The following BORCS5 variants were observed in gnomAD, a reference collection of about 807,000 sequenced individuals.
The protein encoded by BORCS5 is BLOC-1 related complex subunit 5.
In BORCS5, 17 loss-of-function variants were observed where a neutral mutation model predicts 22.1. The ratio of observed to expected loss-of-function variants is 0.77; its 90% CI spans 0.53 to 1.15. BORCS5 has a LOEUF of 1.15. Ranked by LOEUF, BORCS5 falls within the 50% of genes most tolerant of loss-of-function variation. The pLI is 0.00. For missense variants in BORCS5, 247 were observed against 253.2 expected, an observed-to-expected ratio of 0.98 and a Z score of 0.17; for synonymous variants, 117 against 99.8, an observed-to-expected ratio of 1.17 and a Z score of -1.03.
At position 12,384,600 on chromosome 12, in the gene BORCS5, T is replaced by C. The variant is rs1863842437; in HGVS notation, c.202+23251T>C. On this transcript the variant is annotated intron_variant, in intron 2 of 3. Coordinates refer to ENST00000314565, the MANE Select transcript of BORCS5 (RefSeq NM_058169.6). ...CCAAATTGCTGTTGTTACTTTTTTGTCTGTTCATTGCTCTTTGTTTAGTAA... is the reference window on the plus strand; with the variant it reads ...CCAAATTGCTGTTGTTACTTTTTTGCCTGTTCATTGCTCTTTGTTTAGTAA... Among the ~76,000 whole-genome samples the C allele has an allele frequency of 3.3e-5, 5 of 151,300 alleles. No homozygotes were observed. The South Asian group carries it at 1.0e-3, about 32-fold the overall frequency.
At chr12:12,412,742 GTTTGCTTGCA>G (rs1640955626) in intron 2 of BORCS5, among the ~76,000 whole-genome samples, 1 of 152,014 alleles carries the variant, frequency 6.6e-6, no homozygotes. Context: ...TGAATATGAA[GTTTGCTTGCA>G]TTTCTTTTAT....
chr12:12,404,904 T>C (rs780466196), intron 2 of BORCS5, among the ~76,000 whole-genome samples: 2 of 152,168 alleles, frequency 1.3e-5, no homozygotes, highest in African/African-American at 4.8e-5. Flanking sequence ...TTTCACCATG[T>C]TGGCCAGGCT....
intron 2 of BORCS5, among the ~76,000 whole-genome samples, chr12:12,371,832 T>C (rs7979746): frequency 0.21 from 32,140 of 152,110 alleles, 8,189 homozygotes; most frequent in African/African-American, 0.61. Flanking sequence ...CTGTCCTTAC[T>C]TTGGATAATT....
chr12:12,414,187 G>C (rs1941839497), intron 2 of BORCS5, among the ~76,000 whole-genome samples: 1 of 102,722 alleles, frequency 9.7e-6, no homozygotes, highest in Non-Finnish European at 2.1e-5. Flanking sequence ...TCCCGGATGG[G>C]GCGGCTGGCC....
At chr12:12,428,344 G>T (rs891815647) in intron 2 of BORCS5, among the ~76,000 whole-genome samples, 2 of 152,168 alleles carry the variant, frequency 1.3e-5, no homozygotes, top group Admixed American at 1.3e-4. Flanking sequence ...ACACAAAGAG[G>T]TAGGTACAGA....
At chr12:12,415,063 G>A (rs1485422858) in intron 2 of BORCS5, among the ~76,000 whole-genome samples, 5 of 148,552 alleles carry the variant, frequency 3.4e-5, no homozygotes, top group Admixed American at 3.4e-4. Flanking sequence ...TCACTTTCCA[G>A]ACTGGGCAGC....
intron 2 of BORCS5, among the ~76,000 whole-genome samples, chr12:12,384,024 T>C (rs947577925): frequency 6.6e-6 from 1 of 151,398 alleles, no homozygotes; most frequent in African/African-American, 2.4e-5. Flanking sequence ...ACTGATTCTT[T>C]TTCCTGCCAT....
chr12:12,463,217 G>A (rs1420736731), intron 3 of BORCS5, among the ~76,000 whole-genome samples: 2 of 152,178 alleles, frequency 1.3e-5, no homozygotes, highest in African/African-American at 2.4e-5. Flanking sequence ...AGTAAAGGTA[G>A]GGATTATGGA....
At position 12,436,024 on chromosome 12, in the gene BORCS5, T is replaced by C. The variant is rs1442358110; in HGVS notation, c.360+239T>C. The stretch of plus-strand genomic sequence containing the variant: ...TAACTTCTCTGTCTCAGTTTCCTCA[T>C]GTGAAAAATGGGGCTAATAGTAGTA... On this transcript the variant is annotated intron_variant, in intron 3 of 3. Transcript: ENST00000314565. 39 of 428,756 alleles carry C rather than the reference T, an allele frequency of 9.1e-5. No individual in the cohort carries two copies. In the East Asian group the frequency reaches 1.7e-3, roughly 18 times the overall value. The allele number at this position is 428,756 out of a possible 1,614,324, so 26.6% of individuals were successfully genotyped here.
intron 2 of BORCS5, among the ~76,000 whole-genome samples, chr12:12,371,703 A>G (rs377237417): frequency 6.6e-5 from 10 of 151,850 alleles, no homozygotes; most frequent in Admixed American, 4.6e-4. Flanking sequence ...ATGTCTTCCA[A>G]TATTTTTCTG....
At chr12:12,423,070 C>T (rs915122369) in intron 2 of BORCS5, among the ~76,000 whole-genome samples, 5 of 151,598 alleles carry the variant, frequency 3.3e-5, no homozygotes, top group African/African-American at 4.8e-5. Context: ...GGCGTGATCT[C>T]GACTCACTGC....
chr12:12,470,975 C>T lies in BORCS5; in HGVS notation c.*5199C>T, dbSNP rs1209846023. ...GGCATGAGTTATGCGAAAAGCTTTTCTGCACCAAGTACTTTCATTCTGGTC... is the reference window on the plus strand; with the variant it reads ...GGCATGAGTTATGCGAAAAGCTTTTTTGCACCAAGTACTTTCATTCTGGTC... On this transcript the variant is annotated 3_prime_UTR_variant, in exon 4 of 4. Coordinates refer to ENST00000314565, the MANE Select transcript of BORCS5 (RefSeq NM_058169.6). Among the ~76,000 whole-genome samples the T allele has an allele frequency of 6.6e-6, 1 of 152,186 alleles. No individual in the cohort carries two copies.
rs1023783589 is a variant in BORCS5 at position 12,402,815 on chromosome 12, A to G, written c.203-32813A>G. ...ATTAGCTTCTACTGTAATTAACATG[A>G]AAACAAACATGTTTTAAAGTCTTTG... On this transcript the variant is annotated intron_variant, in intron 2 of 3. Transcript: ENST00000314565. Among the ~76,000 whole-genome samples, 124 of 152,380 alleles carry G rather than the reference A, an allele frequency of 8.1e-4. 1 individual carries two copies. Among genetic ancestry groups the G allele is most frequent in the African/African-American group, 3.0e-3 (123 of 41,594 alleles).
intron 3 of BORCS5, among the ~76,000 whole-genome samples, chr12:12,455,077 A>G (rs1220376857): frequency 6.6e-6 from 1 of 152,260 alleles, no homozygotes; most frequent in African/African-American, 2.4e-5. Flanking sequence ...TTATTTGAAT[A>G]GCTGTAAAAC....
intron 3 of BORCS5, 101 bp from the exon 4 acceptor site, chr12:12,465,445 A>G: frequency 9.7e-7 from 1 of 1,025,646 alleles, no homozygotes. Context: ...GTCAGCTTCC[A>G]CTGGATCTGC....
chr12:12,462,603 C>T (rs1277051055), intron 3 of BORCS5, among the ~76,000 whole-genome samples: 1 of 152,094 alleles, frequency 6.6e-6, no homozygotes, highest in African/African-American at 2.4e-5. Context: ...TTCGTGGTTG[C>T]CCTTTAGCTC....
At chr12:12,362,634 A>ATTTTTTT (rs1203934777) in intron 2 of BORCS5, among the ~76,000 whole-genome samples, 1 of 54,180 alleles carries the variant, frequency 1.8e-5, no homozygotes, top group Non-Finnish European at 5.1e-5. Flanking sequence ...CATGTTACTC[A>ATTTTTTT]TCTTTTTTTT....
chr12:12,359,414 T>C (rs1592047142), intron 1 of BORCS5, among the ~76,000 whole-genome samples: 1 of 145,186 alleles, frequency 6.9e-6, no homozygotes, highest in Non-Finnish European at 1.5e-5. Context: ...TAGGCTGGAG[T>C]GCTGTGGCAT....
At chr12:12,455,789 A>AG (rs1592140999) in intron 3 of BORCS5, among the ~76,000 whole-genome samples, 1 of 152,112 alleles carries the variant, frequency 6.6e-6, no homozygotes, top group African/African-American at 2.4e-5. Context: ...AAAAAAAAAA[A>AG]AAAAAGCAGT....
Sources: allele counts gnomAD v4.1 joint callset (sites outside exome capture counted in the v4.1 genomes callset), GRCh38; gene constraint gnomAD v4.1.1; transcripts MANE v1.5; gene names NCBI Gene and HGNC (gene_info 2026-07-23, HGNC 2026-07-21).